The following SORCS3 variants were observed in gnomAD, a reference collection of about 807,000 sequenced individuals.
The protein encoded by SORCS3 is sortilin related VPS10 domain containing receptor 3, also known as VPS10 domain-containing receptor SorCS3.
SORCS3 carries 57 observed loss-of-function variants against 146.3 expected under a neutral mutation model. The ratio of observed to expected loss-of-function variants is 0.39; its 90% CI spans 0.31 to 0.49. The LOEUF (loss-of-function observed/expected upper bound fraction) is 0.49. SORCS3 is among the 20% of genes least tolerant of loss of function. The probability of loss-of-function intolerance (pLI) is 0.92; values close to 1 mark genes in which losing one functional copy is unlikely to be tolerated. For missense variants in SORCS3, 1,341 were observed against 1,575.5 expected (o/e 0.85, Z 2.52); for synonymous variants, 653 against 618.5 (o/e 1.06, Z -0.83).
rs144527047 is a variant in SORCS3, at chr10:104,977,374, T to C, written c.835T>C (p.Leu279=). Residue 279 remains leucine (L), a synonymous_variant, in exon 4 of 27, where the codon TTG becomes CTG. Coordinates refer to ENST00000369701, the MANE Select transcript of SORCS3 (RefSeq NM_014978.3). ...TGATCCTGAGATGGAGAGCAGCATATTGATCAGCTCAGACGAAGGGGCGAC... is the reference window on the plus strand; with the variant it reads ...TGATCCTGAGATGGAGAGCAGCATACTGATCAGCTCAGACGAAGGGGCGAC... The part of the protein sequence containing the change: ...LSDPEMESSI[L]ISSDEGATYQ... 129 of 1,613,564 alleles carry C rather than the reference T, an allele frequency of 8.0e-5. No individual in the cohort carries two copies. Among genetic ancestry groups the C allele is most frequent in the Non-Finnish European group, 9.7e-5 (114 of 1,179,800 alleles).
chr10:105,139,380 T>C lies in SORCS3; in HGVS notation c.1213-17T>C, dbSNP rs1425369331. ...TGTGGCCTCATCTGATCTCTTTGTG[T>C]TTCCCCCACAATCTAGGTAACAACT... is the stretch of plus-strand genomic sequence containing the variant. On this transcript the variant is annotated splice_polypyrimidine_tract_variant and intron_variant, in intron 7 of 26. Coordinates refer to ENST00000369701, the MANE Select transcript of SORCS3 (RefSeq NM_014978.3). The C allele has an allele frequency of 6.2e-7, 1 of 1,600,298 alleles. No homozygotes were observed.
intron 4 of SORCS3, among the ~76,000 whole-genome samples, chr10:105,030,723 G>A (rs1842835987): frequency 6.6e-6 from 1 of 151,900 alleles, no homozygotes; most frequent in Admixed American, 6.6e-5. Flanking sequence ...CTCCCACGTA[G>A]CTGGGATTAC....
Position 105,190,674 on chromosome 10 carries a change from T to C in SORCS3, c.2010-9325T>C, listed in dbSNP as rs551586606. Among the ~76,000 whole-genome samples the C allele has an allele frequency of 2.0e-5, 3 of 152,274 alleles. No homozygotes were observed. In the South Asian group the frequency reaches 6.2e-4, roughly 32 times the overall value. The stretch of plus-strand genomic sequence containing the variant: ...ACCTCGGCCTCCCAAAGTGCTGGGA[T>C]TTCAGGCGTGAGCCACTGTGCCTGG... On this transcript the variant is annotated intron_variant, in intron 14 of 26. Transcript: ENST00000369701.
At chr10:104,876,624 T>C (rs2018574468) in intron 2 of SORCS3, among the ~76,000 whole-genome samples, 2 of 152,034 alleles carry the variant, frequency 1.3e-5, no homozygotes, top group Non-Finnish European at 2.9e-5. Flanking sequence ...ATTAGGAGTA[T>C]TCCTCTTTCA....
Position 104,794,659 on chromosome 10 carries a change from G to GAA in SORCS3, c.628-48132_628-48131dup, listed in dbSNP as rs1218494837. Among the ~76,000 whole-genome samples, 1,055 of 146,502 alleles carry GAA rather than the reference G, an allele frequency of 7.2e-3. 18 individuals carry two copies. The highest frequency in any genetic ancestry group is 9.0e-3 in the Non-Finnish European group (600 of 66,720). Reference sequence around the variant, plus strand: ...AGAGAGAGAGAGAGAGAGAGAGAGAGAATATTATCCAGCATAGTAGAAAAG... The same window carrying GAA: ...AGAGAGAGAGAGAGAGAGAGAGAGAGAAAATATTATCCAGCATAGTAGAAAAG... On this transcript the variant is annotated intron_variant, in intron 1 of 26. Coordinates refer to ENST00000369701, the MANE Select transcript of SORCS3 (RefSeq NM_014978.3).
chr10:105,193,017 A>G (rs1481516158), intron 14 of SORCS3, among the ~76,000 whole-genome samples: 1 of 152,152 alleles, frequency 6.6e-6, no homozygotes, highest in Admixed American at 6.6e-5. Context: ...CCCCTTTGAA[A>G]TCATTTAATT....
chr10:105,157,046 C>T (rs545001189), intron 9 of SORCS3, 92 bp from the exon 10 acceptor site: 83 of 1,425,892 alleles, frequency 5.8e-5, no homozygotes, highest in Admixed American at 7.8e-5. Flanking sequence ...CCCAACATGC[C>T]GTGGGAAATT....
Position 104,961,618 on chromosome 10 carries a change from C to T in SORCS3, c.796-15717C>T, listed in dbSNP as rs555786962. 2.6e-5 allele frequency among the ~76,000 whole-genome samples: 4 copies of T among 152,242 alleles called. No individual in the cohort carries two copies. The South Asian group carries it at 8.3e-4, about 32-fold the overall frequency. The stretch of plus-strand genomic sequence containing the variant: ...TAAATTTGTCTATATCCAACTTCTA[C>T]AAAAGAATAATATGAAGTAGCAGAG... On this transcript the variant is annotated intron_variant, in intron 3 of 26. Coordinates refer to ENST00000369701, the MANE Select transcript of SORCS3 (RefSeq NM_014978.3).
chr10:105,092,129 A>G (rs928238549), intron 6 of SORCS3, among the ~76,000 whole-genome samples: 9 of 152,192 alleles, frequency 5.9e-5, no homozygotes, highest in Non-Finnish European at 1.3e-4. Flanking sequence ...GCTAAAATTT[A>G]TTTTATGAAA....
At chr10:104,849,511 G>A (rs1423049980) in intron 2 of SORCS3, among the ~76,000 whole-genome samples, 1 of 151,504 alleles carries the variant, frequency 6.6e-6, no homozygotes, top group Non-Finnish European at 1.5e-5. Context: ...GGCATATATA[G>A]TGTTTAAAGG....
At chr10:104,924,316 G>A (rs960797302) in intron 3 of SORCS3, among the ~76,000 whole-genome samples, 1 of 152,208 alleles carries the variant, frequency 6.6e-6, no homozygotes, top group African/African-American at 2.4e-5. Flanking sequence ...AAGCCCATAA[G>A]GCTGGTGACA....
chr10:104,765,977 C>G (rs1228312824), intron 1 of SORCS3, among the ~76,000 whole-genome samples: 1 of 152,208 alleles, frequency 6.6e-6, no homozygotes, highest in Admixed American at 6.5e-5. Flanking sequence ...TTGGTATCCA[C>G]AGCTACTAAC....
intron 3 of SORCS3, among the ~76,000 whole-genome samples, chr10:104,963,691 T>C (rs1589568690): frequency 6.6e-6 from 1 of 152,260 alleles, no homozygotes; most frequent in East Asian, 1.9e-4. Flanking sequence ...TACATTGCTC[T>C]TCTACTTAAC....
Position 104,641,840 on chromosome 10 carries a change from G to A in SORCS3, c.513G>A (p.Pro171=), listed in dbSNP as rs1163024929. The change falls in exon 1 of 27, where the codon CCG becomes CCA. Residue 171 remains proline (P), a synonymous_variant. Coordinates refer to ENST00000369701, the MANE Select transcript of SORCS3 (RefSeq NM_014978.3). This position sits in a 1 kb window ranked among gnomAD's most constrained non-coding sequence, Gnocchi z 6.4. ...AKGSREEVKA[P]RAGGSAAEDL... is the part of the protein sequence containing the mutation. ...GTTCCCGGGAGGAGGTGAAGGCGCC[G>A]CGGGCTGGGGGGTCGGCGGCTGAAG... 1 of 1,564,966 alleles carries A rather than the reference G, an allele frequency of 6.4e-7. No individual in the cohort carries two copies. Among genetic ancestry groups the A allele is most frequent in the Non-Finnish European group, 8.6e-7 (1 of 1,157,682 alleles).
In SORCS3 at chr10:105,256,931, C is replaced by G; in HGVS notation, c.3443+7C>G. 6.3e-7 allele frequency: 1 copy of G among 1,594,056 alleles called. No individual in the cohort carries two copies. The highest frequency in any genetic ancestry group is 1.7e-4 in the Middle Eastern group (1 of 6,020). ...TGATCTACAAGTTTAAAAGGTATGT[C>G]CTATTATCACTCAATTTAGTAGTGG... On this transcript the variant is annotated splice_region_variant and intron_variant, in intron 25 of 26. Transcript: ENST00000369701.
chr10:104,978,808 T>G (rs950308482), intron 4 of SORCS3, among the ~76,000 whole-genome samples: 1 of 152,202 alleles, frequency 6.6e-6, no homozygotes, highest in East Asian at 1.9e-4. Context: ...ATTGTGTGCC[T>G]TTGCTTAAAC....
rs533168205 is a variant in SORCS3, at chr10:105,175,013, C to T, written c.1902-3053C>T. On this transcript the variant is annotated intron_variant, in intron 13 of 26. Transcript: ENST00000369701. ...CCTTCCCTGCAATGCTCATGGCACT[C>T]ACTGCAATTTGCTCTGCTAATGCTG... Among the ~76,000 whole-genome samples, 48 of 152,206 alleles carry T rather than the reference C, an allele frequency of 3.2e-4. 2 individuals are homozygous for T. In the South Asian group the frequency reaches 7.9e-3, roughly 25 times the overall value.
intron 1 of SORCS3, among the ~76,000 whole-genome samples, chr10:104,764,813 A>G (rs1056776008): frequency 1.3e-5 from 2 of 152,186 alleles, no homozygotes; most frequent in African/African-American, 2.4e-5. Context: ...AGATTATTCC[A>G]GTTTTCAGAG....
intron 19 of SORCS3, 101 bp downstream of exon 19, chr10:105,217,223 A>T: frequency 8.5e-7 from 1 of 1,176,572 alleles, no homozygotes; most frequent in South Asian, 1.4e-5. Flanking sequence ...GTTCAGTGTG[A>T]CTACTACAAT....
Sources: gnomAD v4.1 joint callset for allele counts (sites outside exome capture counted in the v4.1 genomes callset) on GRCh38, gnomAD v4.1.1 for gene constraint, Gnocchi (gnomAD v3.1) non-coding constraint, MANE v1.5 for transcripts, NCBI Gene and HGNC (gene_info 2026-07-23, HGNC 2026-07-21) for gene names.